The following ABCA7 variants were observed in gnomAD, a reference collection of about 807,000 sequenced individuals.
ABCA7 encodes ATP binding cassette subfamily A member 7, also known as phospholipid-transporting ATPase ABCA7.
Under a neutral mutation model 227.6 loss-of-function variants are expected in ABCA7, and 261 were observed. That is an observed-to-expected ratio of 1.15 (90% CI 1.04 to 1.27). The LOEUF (loss-of-function observed/expected upper bound fraction) is 1.27. Ranked by LOEUF, ABCA7 falls within the 50% of genes most tolerant of loss-of-function variation. The pLI, the probability that ABCA7 is intolerant of heterozygous loss-of-function variation, is 0.00. For missense variants in ABCA7, 3,331 were observed against 2,924.5 expected, an observed-to-expected ratio of 1.14 and a Z score of -3.21; for synonymous variants, 1,488 against 1,279.7, an observed-to-expected ratio of 1.16 and a Z score of -3.47.
At chr19:1,059,431 A>AT (rs1402043294) in intron 40 of ABCA7, among the ~76,000 whole-genome samples, 1 of 143,498 alleles carries the variant, frequency 7.0e-6, no homozygotes, top group Non-Finnish European at 1.5e-5. Context: ...CGCCCGGCTA[A>AT]TTTTTTTGTA....
At chr19:1,062,032 C>T (rs2042689529) in intron 41 of ABCA7, 140 bp from the exon 42 acceptor site, 2 of 1,453,516 alleles carry the variant, frequency 1.4e-6, no homozygotes, top group Non-Finnish European at 1.9e-6. Flanking sequence ...CTCTACCTCC[C>T]ACACGCGGAC....
Position 1,065,329 on chromosome 19 carries a change from G to C in ABCA7, c.6345G>C (p.Glu2115Asp), listed in dbSNP as rs570490373. 1 of 1,613,678 alleles carries C rather than the reference G, an allele frequency of 6.2e-7. No individual in the cohort carries two copies. Among genetic ancestry groups the C allele is most frequent in the East Asian group, 2.2e-5 (1 of 44,880 alleles). Residue 2115 changes from glutamate (E) to aspartate (D), a missense_variant, in exon 47 of 47, where the codon GAG (glutamate) becomes GAC (aspartate). Glu to Asp is a conservative substitution (Grantham distance 45). Transcript: ENST00000263094. The stretch of plus-strand genomic sequence containing the variant: ...ACGAGGACACCGAAGAGCAGAAGGA[G>C]GCAGGAGTGGGAGTGGACCCCGCGC... ...GKDEDTEEQK[E>D]AGVGVDPAPG...
intron 35 of ABCA7, among the ~76,000 whole-genome samples, 191 bp downstream of exon 35, chr19:1,057,620 A>C (rs758420554): frequency 1.2e-4 from 18 of 152,112 alleles, no homozygotes; most frequent in Non-Finnish European, 2.5e-4. Flanking sequence ...GACTCATATT[A>C]GTAGAGTTCT....
chr19:1,048,891 G>GTT lies in ABCA7; in HGVS notation c.2270-4_2270-3insTT, dbSNP rs779462540. ...TAAGCAATAACCCGCGCCCCTCCCC[G>GTT]CAGGCCAGTACGGGATCCCTGAACC... On this transcript the variant is annotated splice_polypyrimidine_tract_variant and splice_region_variant and intron_variant, in intron 16 of 46. Coordinates refer to ENST00000263094, the MANE Select transcript of ABCA7 (RefSeq NM_019112.4). The GTT allele has an allele frequency of 6.3e-7, 1 of 1,584,026 alleles. No individual in the cohort carries two copies. The highest frequency in any genetic ancestry group is 8.6e-7 in the Non-Finnish European group (1 of 1,163,600).
chr19:1,047,853 C>A (rs2040869332), intron 16 of ABCA7, among the ~76,000 whole-genome samples, 199 bp downstream of exon 16: 1 of 152,156 alleles, frequency 6.6e-6, no homozygotes, highest in African/African-American at 2.4e-5. Flanking sequence ...GTTTCTGGGC[C>A]GCCTCATACC....
At position 1,041,525 on chromosome 19, in the gene ABCA7, G is replaced by A. The variant is rs1454049011; in HGVS notation, c.82G>A (p.Glu28Lys). ...TCTCCCCCAGGTCCAGCTCCTGGTC[G>A]AATTGCTGTGGCCTCTCTTCCTCTT... is the stretch of plus-strand genomic sequence containing the variant. ...RRRQPVQLLV[E>K]LLWPLFLFFI... Residue 28 changes from glutamate to lysine, a missense_variant, in exon 3 of 47, where the codon GAA becomes AAA. Transcript: ENST00000263094. 1.9e-6 allele frequency: 3 copies of A among 1,613,676 alleles called. No homozygotes were observed. The highest frequency in any genetic ancestry group is 2.2e-5 in the South Asian group (2 of 91,086).
rs1321062276 is a variant in ABCA7 at position 1,047,952 on chromosome 19, G to T, written c.2269+298G>T. Among the ~76,000 whole-genome samples the T allele has an allele frequency of 4.6e-5, 7 of 152,166 alleles. No homozygotes were observed. The East Asian group carries it at 9.6e-4, about 21-fold the overall frequency. ...GCTTGTAATCCCAGCACTTTGGGAG[G>T]CCAAGGCAGGAGAATCGCTTGAGCC... On this transcript the variant is annotated intron_variant, in intron 16 of 46. Coordinates refer to ENST00000263094, the MANE Select transcript of ABCA7 (RefSeq NM_019112.4).
At chr19:1,046,600 G>C (rs1022139634) in intron 13 of ABCA7, among the ~76,000 whole-genome samples, 194 bp downstream of exon 13, 3 of 152,072 alleles carry the variant, frequency 2.0e-5, no homozygotes, top group Non-Finnish European at 2.9e-5. Flanking sequence ...GACTCTGAGG[G>C]TCTGGGGGCC....
intron 18 of ABCA7, among the ~76,000 whole-genome samples, chr19:1,050,065 G>A (rs2041400795): frequency 6.8e-6 from 1 of 147,554 alleles, no homozygotes; most frequent in South Asian, 2.2e-4. Context: ...CTCCCTGTGA[G>A]CAGTAATGGC....
chr19:1,041,774 A>G, intron 3 of ABCA7, 57 bp from the exon 4 acceptor site: 2 of 1,595,464 alleles, frequency 1.3e-6, no homozygotes, highest in African/African-American at 1.3e-5. Context: ...GGGCGACCCG[A>G]TGGGGGTGGA....
rs138777686 is a variant in ABCA7 at position 1,042,815 on chromosome 19, C to G, written c.568C>G (p.Leu190Val). Residue 190 changes from leucine to valine, a missense_variant, in exon 7 of 47, where the codon CTG (leucine) becomes GTG (valine). Leu to Val is a conservative substitution (Grantham distance 32). Coordinates refer to ENST00000263094, the MANE Select transcript of ABCA7 (RefSeq NM_019112.4). ...LHSLLEAAEDLAQELLALRSL... is the reference protein window; with the variant it reads ...LHSLLEAAEDVAQELLALRSL... The stretch of plus-strand genomic sequence containing the variant: ...CAGCTTGTTGGAGGCCGCTGAGGAC[C>G]TGGCCCAGGAGGTACGAGGCCCCAC... The G allele has an allele frequency of 1.0e-5, 16 of 1,607,446 alleles. No individual in the cohort carries two copies. The highest frequency in any genetic ancestry group is 1.4e-5 in the Non-Finnish European group (16 of 1,177,836).
Position 1,053,817 on chromosome 19 carries a change from T to A in ABCA7, c.3453T>A (p.Ala1151=). ...EIFLKVVEEC[A]ADTDMEDGSC... ...TCCTGAAGGTGGTGGAGGAGTGTGC[T>A]GCGGACACAGATATGGAGGGTGCGG... Residue 1151 remains alanine (A), a synonymous_variant, in exon 25 of 47, where the codon GCT becomes GCA. Coordinates refer to ENST00000263094, the MANE Select transcript of ABCA7 (RefSeq NM_019112.4). The A allele has an allele frequency of 6.2e-7, 1 of 1,612,236 alleles. No individual in the cohort carries two copies. Among genetic ancestry groups the A allele is most frequent in the African/African-American group, 1.3e-5 (1 of 74,994 alleles).
chr19:1,050,409 C>T (rs2041455749), intron 18 of ABCA7, among the ~76,000 whole-genome samples: 1 of 140,972 alleles, frequency 7.1e-6, no homozygotes, highest in Non-Finnish European at 1.6e-5. Flanking sequence ...GAGACTCTGT[C>T]ACAAAAAAAT....
At position 1,046,895 on chromosome 19, in the gene ABCA7, G is replaced by C. The variant is rs2040737556; in HGVS notation, c.1716G>C (p.Glu572Asp). Reference protein sequence around the residue: ...VTLTVKAVVREKETRLRDTMR... With the variant: ...VTLTVKAVVRDKETRLRDTMR... Reference sequence around the variant, plus strand: ...TGACAGTGAAGGCCGTGGTGCGGGAGAAGGAGACGCGGCTGCGGGACACCA... The same window carrying C: ...TGACAGTGAAGGCCGTGGTGCGGGACAAGGAGACGCGGCTGCGGGACACCA... The change falls in exon 14 of 47, where the codon GAG becomes GAC. Residue 572 changes from glutamate (E) to aspartate (D), a missense_variant. Glu to Asp is a conservative substitution (Grantham distance 45). Coordinates refer to ENST00000263094, the MANE Select transcript of ABCA7 (RefSeq NM_019112.4). 2 of 1,552,084 alleles carry C rather than the reference G, an allele frequency of 1.3e-6. No homozygotes were observed. The highest frequency in any genetic ancestry group is 2.7e-5 in the African/African-American group (2 of 73,044).
At position 1,043,097 on chromosome 19, in the gene ABCA7, G is replaced by A; in HGVS notation, c.636G>A (p.Gly212=). The part of the protein sequence containing the change: ...ELRALLQRPR[G]TSGPLELLSE... Reference sequence around the variant, plus strand: ...GGGCACTGCTGCAGAGACCCCGAGGGACCAGCGGCCCCCTGGAGTTGCTGT... The same window carrying A: ...GGGCACTGCTGCAGAGACCCCGAGGAACCAGCGGCCCCCTGGAGTTGCTGT... Residue 212 remains glycine, a synonymous_variant, in exon 8 of 47, where the codon GGG becomes GGA. Coordinates refer to ENST00000263094, the MANE Select transcript of ABCA7 (RefSeq NM_019112.4). The A allele has an allele frequency of 6.2e-7, 1 of 1,612,484 alleles. No individual in the cohort carries two copies. The highest frequency in any genetic ancestry group is 8.5e-7 in the Non-Finnish European group (1 of 1,179,552).
rs764058442 is a variant in ABCA7, at chr19:1,048,954, C to A, written c.2329C>A (p.Pro777Thr). ...TTTTCGGAGGAGCTACTGGTGCGGACCTCGGCCCCCCAAGAGTCCAGCCCC... is the reference window on the plus strand; with the variant it reads ...TTTTCGGAGGAGCTACTGGTGCGGAACTCGGCCCCCCAAGAGTCCAGCCCC... ...FPFRRSYWCG[P>T]RPPKSPAPCP... Residue 777 changes from proline to threonine, a missense_variant, in exon 17 of 47, where the codon CCT becomes ACT. By Grantham distance (38) the Pro-to-Thr change is conservative. Transcript: ENST00000263094. 1 of 1,609,510 alleles carries A rather than the reference C, an allele frequency of 6.2e-7. No homozygotes were observed. Among genetic ancestry groups the A allele is most frequent in the Non-Finnish European group, 8.5e-7 (1 of 1,178,468 alleles).
At chr19:1,060,950 G>A (rs1269500662) in intron 40 of ABCA7, among the ~76,000 whole-genome samples, 1 of 152,134 alleles carries the variant, frequency 6.6e-6, no homozygotes, top group Non-Finnish European at 1.5e-5. Flanking sequence ...GATATTTGTT[G>A]AGCACTGCTG....
chr19:1,044,601 G>A lies in ABCA7; in HGVS notation c.1072G>A (p.Gly358Arg). Residue 358 changes from glycine (G) to arginine (R), a missense_variant, in exon 11 of 47, where the codon GGA (glycine) becomes AGA (arginine). Physicochemically the swap from Gly to Arg is moderately radical, Grantham distance 125. Transcript: ENST00000263094. ...LQRLLQMQDE[G>R]RRQPRPGGRD... ...GCGGCTCCTGCAGATGCAGGATGAA[G>A]GAAGAAGGCAGCCCAGACCTGGAGG... The A allele has an allele frequency of 6.2e-7, 1 of 1,612,850 alleles. No homozygotes were observed. Among genetic ancestry groups the A allele is most frequent in the South Asian group, 1.1e-5 (1 of 91,078 alleles).
intron 17 of ABCA7, 44 bp downstream of exon 17, chr19:1,049,049 C>T: frequency 9.0e-7 from 1 of 1,108,550 alleles, no homozygotes; most frequent in East Asian, 2.5e-5. Context: ...CACATATGCC[C>T]AGTTCCCCCC....
Sources: gnomAD v4.1 joint callset for allele counts (sites outside exome capture counted in the v4.1 genomes callset) on GRCh38, gnomAD v4.1.1 for gene constraint, MANE v1.5 for transcripts, NCBI Gene and HGNC (gene_info 2026-07-23, HGNC 2026-07-21) for gene names.